SIK3: variants seen among roughly 807,000 people sequenced by gnomAD.
The protein encoded by SIK3 is serine/threonine-protein kinase SIK3.
SIK3 carries 28 observed loss-of-function variants against 144.2 expected under a neutral mutation model. The ratio of observed to expected loss-of-function variants is 0.19; its 90% CI spans 0.14 to 0.27. The LOEUF (loss-of-function observed/expected upper bound fraction) is 0.27, where lower values mean the gene tolerates loss of function less well. SIK3 is among the 10% of genes least tolerant of loss of function. The pLI is 1.00. For missense variants in SIK3, 1,319 were observed against 1,776.0 expected (o/e 0.74, Z 4.62); for synonymous variants, 686 against 676.3 (o/e 1.01, Z -0.22).
chr11:116,900,732 G>A (rs918329618), intron 4 of SIK3, among the ~76,000 whole-genome samples: 7 of 152,008 alleles, frequency 4.6e-5, no homozygotes, highest in Non-Finnish European at 8.8e-5. Context: ...ATTACTTCCT[G>A]TATGAAGGCT....
In SIK3 at chr11:116,862,252, T is replaced by G; in HGVS notation, c.2179A>C (p.Met727Leu). Residue 727 changes from methionine to leucine, a missense_variant, in exon 17 of 25, where the codon ATG becomes CTG. Met to Leu is a conservative substitution (Grantham distance 15). Around this residue, in one of 8 missense-constraint regions of SIK3, gnomAD observed 77 missense variants for 141.9 expected, o/e 0.54. Coordinates refer to ENST00000445177, the MANE Select transcript of SIK3 (RefSeq NM_001366686.3). Reference protein sequence around the residue: ...RTLEKTQQQHMLYQQEQHHQI... With the variant: ...RTLEKTQQQHLLYQQEQHHQI... ...TGGTGCTGCTCCTGCTGGTATAACA[T>G]ATGCTGCTGCTGGGTCTTCTCCAGG... 1.2e-6 allele frequency: 2 copies of G among 1,614,218 alleles called. No homozygotes were observed. Among genetic ancestry groups the G allele is most frequent in the Non-Finnish European group, 1.7e-6 (2 of 1,180,046 alleles).
At chr11:116,938,602 AGAGGAGAGGAGAGGG>A (rs1565475993) in intron 3 of SIK3, among the ~76,000 whole-genome samples, 25 of 12,568 alleles carry the variant, frequency 2.0e-3, no homozygotes, top group African/African-American at 0.013. Context: ...AGAGGGGAGG[AGAGGAGAGGAGAGGG>A]GAGGGGAGGA....
intron 11 of SIK3, 70 bp downstream of exon 11, chr11:116,875,088 G>A: frequency 8.3e-7 from 1 of 1,207,542 alleles, no homozygotes; most frequent in Non-Finnish European, 1.2e-6. Flanking sequence ...AATGTGCCAT[G>A]GTAGACACTG....
chr11:116,972,945 A>C (rs530919066), intron 1 of SIK3, among the ~76,000 whole-genome samples: 1 of 152,306 alleles, frequency 6.6e-6, no homozygotes, highest in Admixed American at 6.5e-5. Flanking sequence ...TGTGGGTGGC[A>C]TCAAAGAACT....
At chr11:117,009,962 T>C (rs1419258231) in intron 1 of SIK3, among the ~76,000 whole-genome samples, 1 of 152,068 alleles carries the variant, frequency 6.6e-6, no homozygotes, top group Non-Finnish European at 1.5e-5. Context: ...AAGATGCATC[T>C]GGAAAAAAAT....
chr11:116,933,397 C>G (rs557941339), intron 3 of SIK3, among the ~76,000 whole-genome samples: 163 of 152,302 alleles, frequency 1.1e-3, no homozygotes, highest in East Asian at 3.9e-3. Context: ...CCTCAGCCCC[C>G]CAAAGTGCTG....
intron 4 of SIK3, among the ~76,000 whole-genome samples, chr11:116,911,368 G>A (rs755237060): frequency 6.6e-6 from 1 of 152,066 alleles, no homozygotes; most frequent in Non-Finnish European, 1.5e-5. Flanking sequence ...TTAGCTGGGT[G>A]TGGTGGCACA....
intron 4 of SIK3, among the ~76,000 whole-genome samples, chr11:116,904,180 A>G (rs940514335): frequency 6.6e-6 from 1 of 152,182 alleles, no homozygotes. Flanking sequence ...GAAAGGCTCA[A>G]AGGAAGCAGA....
At chr11:116,963,441 G>A (rs771957760) in intron 1 of SIK3, among the ~76,000 whole-genome samples, 3 of 152,134 alleles carry the variant, frequency 2.0e-5, no homozygotes, top group Admixed American at 6.5e-5. Flanking sequence ...TAAAAGACAC[G>A]TGTATACAAC....
chr11:116,910,371 C>T (rs1181802789), intron 4 of SIK3, among the ~76,000 whole-genome samples: 1 of 151,808 alleles, frequency 6.6e-6, no homozygotes, highest in East Asian at 1.9e-4. Context: ...TGAAAGTTGA[C>T]ATAGTTTTAG....
Position 116,863,757 on chromosome 11 carries a change from G to C in SIK3, c.2014C>G (p.Arg672Gly). 6.2e-7 allele frequency: 1 copy of C among 1,614,128 alleles called. No individual in the cohort carries two copies. The highest frequency in any genetic ancestry group is 8.5e-7 in the Non-Finnish European group (1 of 1,180,030). The change falls in exon 16 of 25, where the codon CGG becomes GGG. Residue 672 changes from arginine (R) to glycine (G), a missense_variant. Arg to Gly is a moderately radical substitution (Grantham distance 125). This residue lies in a region of SIK3 where 77 missense variants were observed against 141.9 expected (regional missense o/e 0.54). Coordinates refer to ENST00000445177, the MANE Select transcript of SIK3 (RefSeq NM_001366686.3). ...LPTERFSPVR[R>G]FSDGAASIQA... Reference sequence around the variant, plus strand: ...ATGCTCGCAGCCCCATCTGAGAACCGGCGCACAGGGGAGAAACGCTCCGTA... The same window carrying C: ...ATGCTCGCAGCCCCATCTGAGAACCCGCGCACAGGGGAGAAACGCTCCGTA...
At chr11:116,931,848 C>T (rs1947623024) in intron 3 of SIK3, among the ~76,000 whole-genome samples, 1 of 152,190 alleles carries the variant, frequency 6.6e-6, no homozygotes, top group African/African-American at 2.4e-5. Flanking sequence ...AATAAGAGTG[C>T]AGTCACTTTA....
chr11:116,941,323 T>C (rs1948289022), intron 3 of SIK3, among the ~76,000 whole-genome samples: 1 of 150,924 alleles, frequency 6.6e-6, no homozygotes. Flanking sequence ...CCTTTTTTAA[T>C]AATCAAAGGA....
Position 116,861,140 on chromosome 11 carries a change from T to A in SIK3, c.2425+134A>T. The A allele has an allele frequency of 1.4e-5, 10 of 696,282 alleles. No homozygotes were observed. The South Asian group carries it at 1.9e-4, about 13-fold the overall frequency. The allele number at this position is 696,282 out of a possible 1,614,324, so 43.1% of individuals were successfully genotyped here. ...GAACCAGGATGCAAACCAAAGCAGC[T>A]TGGCTCTAGAGTCCATACCCCTGAA... On this transcript the variant is annotated intron_variant, in intron 19 of 24. Coordinates refer to ENST00000445177, the MANE Select transcript of SIK3 (RefSeq NM_001366686.3).
chr11:117,049,708 C>A (rs1953138188), intron 1 of SIK3, among the ~76,000 whole-genome samples: 2 of 152,122 alleles, frequency 1.3e-5, no homozygotes, highest in South Asian at 2.1e-4. Context: ...CTAGTCCCAA[C>A]ATTTTTGGAA....
chr11:116,984,645 G>A (rs929609978), intron 1 of SIK3, among the ~76,000 whole-genome samples: 14 of 152,146 alleles, frequency 9.2e-5, no homozygotes, highest in Admixed American at 3.3e-4. Flanking sequence ...TTTCAAAAAC[G>A]TGGCTAAGAT....
At chr11:117,037,656 T>C (rs1053435643) in intron 1 of SIK3, among the ~76,000 whole-genome samples, 2 of 152,202 alleles carry the variant, frequency 1.3e-5, no homozygotes, top group African/African-American at 2.4e-5. Flanking sequence ...TGGCAAAGGA[T>C]GTGAATCTGA....
chr11:117,073,826 C>T (rs1434176577), intron 1 of SIK3, among the ~76,000 whole-genome samples: 2 of 152,218 alleles, frequency 1.3e-5, no homozygotes, highest in East Asian at 3.8e-4. Flanking sequence ...ACTAACATTA[C>T]AGTTATCTCC....
At chr11:117,097,552 C>T (rs61903426) in intron 1 of SIK3, among the ~76,000 whole-genome samples, 25,147 of 151,556 alleles carry the variant, frequency 0.17, 2,230 homozygotes, top group Admixed American at 0.21. Flanking sequence ...TCCTCGGGAT[C>T]CCCTTCGCAC....
Sources: allele counts gnomAD v4.1 joint callset (sites outside exome capture counted in the v4.1 genomes callset), GRCh38; gene constraint gnomAD v4.1.1; regional missense constraint gnomAD v4.1.1; transcripts MANE v1.5; gene names NCBI Gene and HGNC (gene_info 2026-07-23, HGNC 2026-07-21).